Variants in CDYL2 observed in about 807,000 individuals in gnomAD.
CDYL2 encodes chromodomain Y-like protein 2.
A neutral mutation model predicts 49.4 loss-of-function variants in CDYL2; 23 were observed. The ratio of observed to expected loss-of-function variants is 0.47; its 90% CI spans 0.34 to 0.66. The LOEUF is 0.66. Among genes scored for constraint, CDYL2 ranks in the 30% least tolerant of loss-of-function variants. CDYL2 has a pLI of 0.01. For missense variants in CDYL2, 678 were observed against 656.4 expected (o/e 1.03, Z -0.36); for synonymous variants, 360 against 268.8 (o/e 1.34, Z -3.32).
intron 1 of CDYL2, among the ~76,000 whole-genome samples, chr16:80,742,638 ATGGATGGAGGATAGATAGG>A (rs1449387237): frequency 6.6e-6 from 1 of 151,710 alleles, no homozygotes; most frequent in African/African-American, 2.4e-5. Flanking sequence ...GGATGGATGG[ATGGATGGAGGATAGATAGG>A]TGGATGGGTA....
intron 2 of CDYL2, among the ~76,000 whole-genome samples, chr16:80,671,743 T>C (rs757931450): frequency 8.3e-4 from 126 of 152,368 alleles, no homozygotes; most frequent in Admixed American, 3.9e-3. Context: ...CACACACGTC[T>C]GGCAAGGCAA....
At chr16:80,639,778 G>A in intron 2 of CDYL2, 1 of 454,820 alleles carries the variant, frequency 2.2e-6, no homozygotes. Context: ...GCAGTAGTGT[G>A]GTATGGAAAG....
chr16:80,669,959 T>C (rs1909431994), intron 2 of CDYL2, among the ~76,000 whole-genome samples: 1 of 152,136 alleles, frequency 6.6e-6, no homozygotes, highest in African/African-American at 2.4e-5. Flanking sequence ...GGCCACCTAA[T>C]CTCACCCGTC....
In CDYL2 at chr16:80,684,086, A is replaced by G. The variant is rs531266839; in HGVS notation, c.616+452T>C. 2.0e-5 allele frequency among the ~76,000 whole-genome samples: 3 copies of G among 152,264 alleles called. No individual in the cohort carries two copies. In the East Asian group the frequency reaches 5.8e-4, roughly 29 times the overall value. ...TGTCTGAGAAGACGGCACGGACCCC[A>G]ACCCAGACCCTACCTCTCTGGGCTA... On this transcript the variant is annotated intron_variant, in intron 2 of 6. Transcript: ENST00000570137.
At chr16:80,609,709 A>G (rs1169595775) in intron 5 of CDYL2, among the ~76,000 whole-genome samples, 1 of 152,116 alleles carries the variant, frequency 6.6e-6, no homozygotes, top group Non-Finnish European at 1.5e-5. Flanking sequence ...TTCATACGGA[A>G]AGGCTCCTGG....
chr16:80,646,086 A>G (rs2142412167), intron 2 of CDYL2, among the ~76,000 whole-genome samples: 1 of 152,060 alleles, frequency 6.6e-6, no homozygotes, highest in East Asian at 1.9e-4. Flanking sequence ...GCGCATGTAT[A>G]CATATGTAAC....
At chr16:80,731,886 C>T (rs965635035) in intron 1 of CDYL2, among the ~76,000 whole-genome samples, 1 of 150,472 alleles carries the variant, frequency 6.6e-6, no homozygotes, top group Non-Finnish European at 1.5e-5. Flanking sequence ...TACATGAAAC[C>T]CAACACATAA....
At chr16:80,763,512 T>C (rs940715421) in intron 1 of CDYL2, among the ~76,000 whole-genome samples, 7 of 151,578 alleles carry the variant, frequency 4.6e-5, no homozygotes, top group African/African-American at 1.5e-4. Context: ...CTTGGGAGGC[T>C]GAGGTGGGAG....
At chr16:80,622,138 C>T (rs1907110231) in intron 3 of CDYL2, among the ~76,000 whole-genome samples, 1 of 152,206 alleles carries the variant, frequency 6.6e-6, no homozygotes, top group African/African-American at 2.4e-5. Flanking sequence ...TGCAAATTCC[C>T]ACTATCTGGC....
At chr16:80,709,055 A>G (rs1304488234) in intron 1 of CDYL2, among the ~76,000 whole-genome samples, 2 of 152,226 alleles carry the variant, frequency 1.3e-5, no homozygotes, top group Non-Finnish European at 2.9e-5. Context: ...ATACAAATAG[A>G]AAAGCACAGG....
chr16:80,719,400 C>T (rs1490138448), intron 1 of CDYL2, among the ~76,000 whole-genome samples: 1 of 152,146 alleles, frequency 6.6e-6, no homozygotes, highest in East Asian at 1.9e-4. Flanking sequence ...TAAGTGAGTG[C>T]ACTCAGCACA....
intron 2 of CDYL2, among the ~76,000 whole-genome samples, chr16:80,683,441 G>A (rs1173688582): frequency 6.6e-6 from 1 of 152,224 alleles, no homozygotes; most frequent in Non-Finnish European, 1.5e-5. Context: ...TTGGGAGTAT[G>A]AACTACATGG....
At chr16:80,610,475 GCT>G (rs1321332551) in intron 5 of CDYL2, among the ~76,000 whole-genome samples, 1 of 152,198 alleles carries the variant, frequency 6.6e-6, no homozygotes, top group African/African-American at 2.4e-5. Flanking sequence ...ACAATGGACT[GCT>G]CTCTTTTGAA....
chr16:80,749,503 A>T (rs889236971), intron 1 of CDYL2, among the ~76,000 whole-genome samples: 1 of 152,186 alleles, frequency 6.6e-6, no homozygotes, highest in African/African-American at 2.4e-5. Flanking sequence ...AAACAATGAA[A>T]AGCAAAATCA....
At chr16:80,768,786 G>A (rs1906812224) in intron 1 of CDYL2, among the ~76,000 whole-genome samples, 1 of 152,166 alleles carries the variant, frequency 6.6e-6, no homozygotes, top group African/African-American at 2.4e-5. Context: ...CCTCCATGCT[G>A]TACTAGCTTT....
intron 2 of CDYL2, among the ~76,000 whole-genome samples, chr16:80,642,796 C>T (rs1377651027): frequency 1.3e-5 from 2 of 152,054 alleles, no homozygotes; most frequent in Non-Finnish European, 2.9e-5. Flanking sequence ...GAAAATTGCC[C>T]CCATGATTCA....
intron 3 of CDYL2, among the ~76,000 whole-genome samples, chr16:80,622,685 G>A (rs1381721508): frequency 3.3e-5 from 5 of 152,126 alleles, no homozygotes; most frequent in African/African-American, 1.2e-4. Flanking sequence ...AAATTAGGCA[G>A]GCTGCTTGCT....
intron 1 of CDYL2, among the ~76,000 whole-genome samples, chr16:80,703,112 A>G (rs1053791858): frequency 2.0e-5 from 3 of 152,198 alleles, no homozygotes; most frequent in African/African-American, 7.2e-5. Flanking sequence ...AATTATCTCA[A>G]CCATGTAGAA....
At chr16:80,689,688 A>G (rs909693437) in intron 1 of CDYL2, among the ~76,000 whole-genome samples, 4 of 152,256 alleles carry the variant, frequency 2.6e-5, no homozygotes, top group African/African-American at 9.6e-5. Flanking sequence ...TGACGCATAC[A>G]ATAACTCTTC....
Sources: gnomAD v4.1 joint callset for allele counts (sites outside exome capture counted in the v4.1 genomes callset) on GRCh38, gnomAD v4.1.1 for gene constraint, MANE v1.5 for transcripts, NCBI Gene and HGNC (gene_info 2026-07-23, HGNC 2026-07-21) for gene names.